NKAIN3: variants seen among roughly 807,000 people sequenced by gnomAD.
NKAIN3 encodes sodium/potassium transporting ATPase interacting 3.
In NKAIN3, 25 loss-of-function variants were observed where a neutral mutation model predicts 30.2. The observed-to-expected ratio is 0.83, with a 90% CI of 0.60 to 1.16. The LOEUF is 1.16. NKAIN3 is among the 50% of genes most tolerant of loss of function. The pLI is 0.00. For synonymous variants in NKAIN3, 91 were observed against 89.6 expected (o/e 1.02, Z -0.09); for missense variants, 225 against 254.1 (o/e 0.89, Z 0.78).
chr8:62,311,197 T>C (rs1814416701), intron 1 of NKAIN3, among the ~76,000 whole-genome samples: 1 of 150,500 alleles, frequency 6.6e-6, no homozygotes, highest in Admixed American at 6.6e-5. Context: ...TTTTCTGACA[T>C]TTTATGTCTT....
At chr8:62,852,243 A>T (rs1277301106) in intron 4 of NKAIN3, among the ~76,000 whole-genome samples, 1 of 152,186 alleles carries the variant, frequency 6.6e-6, no homozygotes, top group African/African-American at 2.4e-5. Flanking sequence ...TTATTTGTGT[A>T]GAGGTGTTTA....
intron 1 of NKAIN3, among the ~76,000 whole-genome samples, chr8:62,480,476 G>C (rs1056528253): frequency 6.6e-6 from 1 of 150,960 alleles, no homozygotes; most frequent in Admixed American, 6.6e-5. Context: ...ATAAGGTCAG[G>C]GGGAAAGTAA....
At chr8:62,540,215 C>A (rs1808795681) in intron 1 of NKAIN3, among the ~76,000 whole-genome samples, 1 of 152,252 alleles carries the variant, frequency 6.6e-6, no homozygotes, top group African/African-American at 2.4e-5. Flanking sequence ...ACCTCCAAAT[C>A]ACTCAAAAAT....
chr8:62,746,275 C>T (rs763791955), intron 3 of NKAIN3, among the ~76,000 whole-genome samples: 3 of 152,190 alleles, frequency 2.0e-5, no homozygotes, highest in Non-Finnish European at 4.4e-5. Flanking sequence ...CTCTCTCTGC[C>T]TCCCTCTTAT....
At chr8:62,919,007 C>T (rs183239557) in intron 5 of NKAIN3, among the ~76,000 whole-genome samples, 58 of 149,726 alleles carry the variant, frequency 3.9e-4, no homozygotes, top group African/African-American at 1.4e-3. Context: ...AAAAAATTTA[C>T]GAGGTGCTAA....
At chr8:62,849,486 A>G (rs141854832) in intron 4 of NKAIN3, among the ~76,000 whole-genome samples, 12,026 of 150,952 alleles carry the variant, frequency 0.08, 562 homozygotes, top group South Asian at 0.14. Flanking sequence ...TTTAGGGTAC[A>G]TGTGCACAAT....
intron 4 of NKAIN3, among the ~76,000 whole-genome samples, chr8:62,907,384 C>G (rs897549081): frequency 1.3e-5 from 2 of 152,126 alleles, no homozygotes; most frequent in African/African-American, 4.8e-5. Context: ...GCTGATGATG[C>G]AATTCAAAAG....
rs143099042 is a variant in NKAIN3, at chr8:62,945,830, C to A, written c.533-8072C>A. Among the ~76,000 whole-genome samples the A allele has an allele frequency of 2.0e-3, 311 of 152,264 alleles. 2 individuals are homozygous for A. The highest frequency in any genetic ancestry group is 6.8e-3 in the Middle Eastern group (2 of 294). On this transcript the variant is annotated intron_variant, in intron 5 of 6. Coordinates refer to ENST00000623646, the MANE Select transcript of NKAIN3 (RefSeq NM_001304533.3). ...CCTCCAGACTCTTGGGGATTGCCCT[C>A]AGTGTTTGTCAAAACAAGTTGCCCT...
intron 1 of NKAIN3, among the ~76,000 whole-genome samples, chr8:62,391,364 G>A (rs1016665411): frequency 6.6e-6 from 1 of 151,990 alleles, no homozygotes; most frequent in African/African-American, 2.4e-5. Context: ...AAATGAACTG[G>A]TACTAATTTA....
chr8:62,980,397 A>G lies in NKAIN3; in HGVS notation c.*14990A>G, dbSNP rs538032774. The G allele has an allele frequency of 4.6e-5, 7 of 152,336 alleles. No individual in the cohort carries two copies. Among genetic ancestry groups the G allele is most frequent in the South Asian group, 2.1e-4 (1 of 4,830 alleles). The allele number at this position is 152,336 out of a possible 1,614,324, so 9.4% of individuals were successfully genotyped here. A position where few individuals can be genotyped will look rare whatever the true frequency, so the allele number is the denominator to read the frequency against. Reference sequence around the variant, plus strand: ...GCAATGTAGTTTTATAAGATAATATACTAGGACCATCTATCAGATATGAAA... The same window carrying G: ...GCAATGTAGTTTTATAAGATAATATGCTAGGACCATCTATCAGATATGAAA... On this transcript the variant is annotated 3_prime_UTR_variant, in exon 7 of 7. Transcript: ENST00000623646.
At chr8:62,432,050 T>C (rs1256562253) in intron 1 of NKAIN3, among the ~76,000 whole-genome samples, 1 of 151,904 alleles carries the variant, frequency 6.6e-6, no homozygotes, top group Admixed American at 6.6e-5. Flanking sequence ...TATGTGGATT[T>C]ATCCTCAAAA....
intron 1 of NKAIN3, among the ~76,000 whole-genome samples, chr8:62,361,707 T>C (rs7011126): frequency 0.97 from 147,700 of 152,310 alleles, 71,671 homozygotes; most frequent in East Asian, 1. Flanking sequence ...TTCATATTTT[T>C]AACACAAGTA....
chr8:62,422,947 A>C (rs1231397963), intron 1 of NKAIN3, among the ~76,000 whole-genome samples: 28 of 152,124 alleles, frequency 1.8e-4, no homozygotes, highest in Admixed American at 1.8e-3. Flanking sequence ...TTTGTCACTT[A>C]TGCAAAGTGC....
chr8:62,561,375 G>A (rs527431324), intron 1 of NKAIN3, among the ~76,000 whole-genome samples: 1 of 152,254 alleles, frequency 6.6e-6, no homozygotes, highest in East Asian at 1.9e-4. Flanking sequence ...CTTCCTGCAG[G>A]TGGAAGTCTT....
At chr8:62,933,466 A>G (rs190334103) in intron 5 of NKAIN3, among the ~76,000 whole-genome samples, 1 of 152,202 alleles carries the variant, frequency 6.6e-6, no homozygotes, top group African/African-American at 2.4e-5. Flanking sequence ...ATAACTAAGA[A>G]AAAATGTATT....
At chr8:62,629,287 T>A (rs79828237) in intron 3 of NKAIN3, among the ~76,000 whole-genome samples, 3,084 of 152,242 alleles carry the variant, frequency 0.02, 87 homozygotes, top group African/African-American at 0.069. Flanking sequence ...TATTTCCTTA[T>A]CTAATATACA....
intron 3 of NKAIN3, among the ~76,000 whole-genome samples, chr8:62,622,736 T>C (rs868198685): frequency 3.4e-4 from 52 of 152,144 alleles, no homozygotes; most frequent in African/African-American, 1.3e-3. Flanking sequence ...TTTTTCATCC[T>C]CTTAACAGGG....
intron 1 of NKAIN3, among the ~76,000 whole-genome samples, chr8:62,278,021 C>G (rs1813023146): frequency 6.6e-6 from 1 of 152,116 alleles, no homozygotes; most frequent in Admixed American, 6.6e-5. Context: ...TGGAGATCAG[C>G]ACGGAGACAG....
At chr8:62,878,861 A>G (rs1434814231) in intron 4 of NKAIN3, among the ~76,000 whole-genome samples, 1 of 152,104 alleles carries the variant, frequency 6.6e-6, no homozygotes, top group Non-Finnish European at 1.5e-5. Context: ...TTATGGCTGC[A>G]TAGTATTCCA....
Sources: gnomAD v4.1 joint callset for allele counts (sites outside exome capture counted in the v4.1 genomes callset) on GRCh38, gnomAD v4.1.1 for gene constraint, MANE v1.5 for transcripts, NCBI Gene and HGNC (gene_info 2026-07-23, HGNC 2026-07-21) for gene names.